Variants in ERBB4 observed in about 807,000 individuals in gnomAD.
The protein encoded by ERBB4 is erb-b2 receptor tyrosine kinase 4.
A neutral mutation model predicts 158.0 loss-of-function variants in ERBB4; 42 were observed. The ratio of observed to expected loss-of-function variants is 0.27; its 90% CI spans 0.21 to 0.34. ERBB4 has a LOEUF of 0.34. Among genes scored for constraint, ERBB4 ranks in the 10% least tolerant of loss-of-function variants. The pLI, the probability that ERBB4 is intolerant of heterozygous loss-of-function variation, is 1.00. For missense variants in ERBB4, 1,333 were observed against 1,624.1 expected, an observed-to-expected ratio of 0.82 and a Z score of 3.08; for synonymous variants, 583 against 558.7, an observed-to-expected ratio of 1.04 and a Z score of -0.61.
At chr2:211,640,050 G>GTTT (rs1206370204) in intron 16 of ERBB4, among the ~76,000 whole-genome samples, 1 of 151,856 alleles carries the variant, frequency 6.6e-6, no homozygotes, top group Non-Finnish European at 1.5e-5. Flanking sequence ...GTAATAGCCT[G>GTTT]GTTTGTTTGT....
chr2:211,915,149 C>A (rs1168383228), intron 3 of ERBB4, among the ~76,000 whole-genome samples: 1 of 152,052 alleles, frequency 6.6e-6, no homozygotes, highest in Non-Finnish European at 1.5e-5. Context: ...TGGACTTAGT[C>A]CCAAATAGTA....
In ERBB4 at chr2:211,377,490, G is replaced by A; in HGVS notation, c.*6125C>T. On this transcript the variant is annotated 3_prime_UTR_variant, in exon 28 of 28. Transcript: ENST00000342788. ...TAAAGAGCAAAAGTAGGTAAAGGAT[G>A]GCATTCTATTAAACAACATGGATTT... 4.3e-6 allele frequency: 1 copy of A among 232,964 alleles called. No homozygotes were observed. Among genetic ancestry groups the A allele is most frequent in the Non-Finnish European group, 8.5e-6 (1 of 117,666 alleles). The allele number at this position is 232,964 out of a possible 1,614,324, so 14.4% of individuals were successfully genotyped here. A position where few individuals can be genotyped will look rare whatever the true frequency, so the allele number is the denominator to read the frequency against.
chr2:211,393,184 T>C (rs1439015721), intron 25 of ERBB4, among the ~76,000 whole-genome samples: 1 of 152,148 alleles, frequency 6.6e-6, no homozygotes, highest in Non-Finnish European at 1.5e-5. Context: ...TTATTGTGTT[T>C]CATAGATGAA....
intron 3 of ERBB4, among the ~76,000 whole-genome samples, chr2:211,840,871 T>A (rs7586331): frequency 0.22 from 33,048 of 151,988 alleles, 3,716 homozygotes; most frequent in South Asian, 0.33. Flanking sequence ...AACAATGGGG[T>A]ATGCAATTTA....
At chr2:211,635,376 T>C (rs896343436) in intron 16 of ERBB4, among the ~76,000 whole-genome samples, 9 of 152,200 alleles carry the variant, frequency 5.9e-5, no homozygotes, top group African/African-American at 2.2e-4. Flanking sequence ...TCAGAGACAA[T>C]GAAATGGATT....
At chr2:212,386,073 A>C (rs1396012453) in intron 1 of ERBB4, among the ~76,000 whole-genome samples, 1 of 151,582 alleles carries the variant, frequency 6.6e-6, no homozygotes, top group East Asian at 1.9e-4. Context: ...GGTCTTCCAA[A>C]CCTGATCCTT....
At chr2:211,941,762 A>G (rs1312346398) in intron 3 of ERBB4, among the ~76,000 whole-genome samples, 6 of 142,726 alleles carry the variant, frequency 4.2e-5, no homozygotes. Context: ...CCAAAGCCCC[A>G]AGGAAACAAC....
Position 212,070,110 on chromosome 2 carries a change from AC to A in ERBB4, c.234+54641del, listed in dbSNP as rs2078068850. On this transcript the variant is annotated intron_variant, in intron 2 of 27. Transcript: ENST00000342788. ...ACTCTAGCCTGGCTGACAGAGTAAG[AC>A]CTTGTCTCTTAAAGAAAAAATGAAA... Among the ~76,000 whole-genome samples, 4 of 152,140 alleles carry A rather than the reference AC, an allele frequency of 2.6e-5. No homozygotes were observed. The South Asian group carries it at 8.3e-4, about 32-fold the overall frequency.
chr2:212,040,319 T>C (rs1163482964), intron 2 of ERBB4, among the ~76,000 whole-genome samples: 6 of 152,084 alleles, frequency 3.9e-5, no homozygotes, highest in African/African-American at 1.4e-4. Context: ...TTTAGTAGTT[T>C]TTTTTTCTTC....
intron 23 of ERBB4, among the ~76,000 whole-genome samples, chr2:211,422,488 CAAAAAA>C (rs57602784): frequency 9.8e-6 from 1 of 102,442 alleles, no homozygotes; most frequent in Non-Finnish European, 2.2e-5. Flanking sequence ...TCCTGGTGGA[CAAAAAA>C]AAAAAAAAAA....
chr2:211,999,755 T>C (rs1262824847), intron 2 of ERBB4, among the ~76,000 whole-genome samples: 1 of 151,938 alleles, frequency 6.6e-6, no homozygotes, highest in East Asian at 1.9e-4. Context: ...GTGTTGAAGA[T>C]TGATTTCCTT....
intron 19 of ERBB4, among the ~76,000 whole-genome samples, chr2:211,592,935 G>A (rs1396569829): frequency 6.6e-5 from 10 of 151,650 alleles, no homozygotes; most frequent in African/African-American, 1.7e-4. Context: ...CGCTTGAACC[G>A]GGAGGTGGAG....
At chr2:211,560,475 T>C (rs1214386719) in intron 20 of ERBB4, among the ~76,000 whole-genome samples, 4 of 151,724 alleles carry the variant, frequency 2.6e-5, no homozygotes. Flanking sequence ...GGTTTCTCCA[T>C]GTTGGTCAGG....
At position 211,966,451 on chromosome 2, in the gene ERBB4, A is replaced by C. The variant is rs368638831; in HGVS notation, c.235-18835T>G. Reference sequence around the variant, plus strand: ...GAGACGGGGTTTCACTGTGTTGGCCAGGCTGGTCTCAAACTCCTGACCTCA... The same window carrying C: ...GAGACGGGGTTTCACTGTGTTGGCCCGGCTGGTCTCAAACTCCTGACCTCA... On this transcript the variant is annotated intron_variant, in intron 2 of 27. Coordinates refer to ENST00000342788, the MANE Select transcript of ERBB4 (RefSeq NM_005235.3). Among the ~76,000 whole-genome samples the C allele has an allele frequency of 8.5e-4, 130 of 152,174 alleles. 3 individuals carry two copies. In the South Asian group the frequency reaches 0.024, roughly 28 times the overall value.
intron 2 of ERBB4, among the ~76,000 whole-genome samples, chr2:212,113,401 C>T (rs868101745): frequency 1.3e-5 from 2 of 151,628 alleles, no homozygotes; most frequent in Admixed American, 6.6e-5. Flanking sequence ...CGGTGAAACC[C>T]GTCTCTACTA....
intron 1 of ERBB4, among the ~76,000 whole-genome samples, chr2:212,352,308 G>A (rs779401753): frequency 4.9e-5 from 6 of 122,924 alleles, no homozygotes; most frequent in Non-Finnish European, 9.9e-5. Context: ...ATGCACCCCT[G>A]AACCTAAAAT....
intron 20 of ERBB4, among the ~76,000 whole-genome samples, chr2:211,541,060 A>G (rs1242734562): frequency 6.6e-6 from 1 of 151,892 alleles, no homozygotes; most frequent in Non-Finnish European, 1.5e-5. Flanking sequence ...CTGTGATTAT[A>G]TCTAAGAAAC....
At chr2:211,958,664 C>G (rs1171370177) in intron 2 of ERBB4, among the ~76,000 whole-genome samples, 1 of 151,922 alleles carries the variant, frequency 6.6e-6, no homozygotes, top group Non-Finnish European at 1.5e-5. Context: ...AATCCCAATC[C>G]CTTTGAAGTA....
intron 20 of ERBB4, among the ~76,000 whole-genome samples, chr2:211,459,982 A>T (rs891998936): frequency 2.0e-5 from 3 of 152,142 alleles, no homozygotes; most frequent in Non-Finnish European, 2.9e-5. Context: ...AAATTTAATT[A>T]GGGCCATAGT....
Sources: allele counts gnomAD v4.1 joint callset (sites outside exome capture counted in the v4.1 genomes callset), GRCh38; gene constraint gnomAD v4.1.1; transcripts MANE v1.5; gene names NCBI Gene and HGNC (gene_info 2026-07-23, HGNC 2026-07-21).